The following PCSK5 variants were observed in gnomAD, a reference collection of about 807,000 sequenced individuals.
The protein encoded by PCSK5 is proprotein convertase subtilisin/kexin type 5.
A neutral mutation model predicts 233.2 loss-of-function variants in PCSK5; 129 were observed. The ratio of observed to expected loss-of-function variants is 0.55; its 90% CI spans 0.48 to 0.64. PCSK5 has a LOEUF of 0.64. Among genes scored for constraint, PCSK5 ranks in the 30% least tolerant of loss-of-function variants. The pLI is 0.00. For missense variants in PCSK5, 2,076 were observed against 2,430.1 expected (o/e 0.85, Z 3.06); for synonymous variants, 825 against 879.2 (o/e 0.94, Z 1.09).
In PCSK5 at chr9:76,350,936, G is replaced by A. The variant is rs1268981987; in HGVS notation, c.5067+8G>A. 6.8e-7 allele frequency: 1 copy of A among 1,471,920 alleles called. No homozygotes were observed. The highest frequency in any genetic ancestry group is 1.7e-5 in the Admixed American group (1 of 57,166). 91.2% of individuals were successfully genotyped at this position (1,471,920 alleles called of 1,614,324 possible). ...GAATACAGAGTGGGAGAGGTATGGAGGGCTGGGGGTCCTGGGCCTTCTGCT... is the reference window on the plus strand; with the variant it reads ...GAATACAGAGTGGGAGAGGTATGGAAGGCTGGGGGTCCTGGGCCTTCTGCT... On this transcript the variant is annotated splice_region_variant and intron_variant, in intron 36 of 37. Coordinates refer to ENST00000674117, the MANE Select transcript of PCSK5 (RefSeq NM_001372043.1).
At chr9:76,075,160 C>T (rs562097206) in intron 7 of PCSK5, among the ~76,000 whole-genome samples, 6 of 152,166 alleles carry the variant, frequency 3.9e-5, no homozygotes, top group Admixed American at 2.0e-4. Flanking sequence ...GTGGAGGTTG[C>T]AGTGAGCCAA....
intron 6 of PCSK5, among the ~76,000 whole-genome samples, chr9:76,070,205 T>TTAG (rs1234814567): frequency 6.6e-6 from 1 of 152,152 alleles, no homozygotes; most frequent in African/African-American, 2.4e-5. Context: ...TTTCACCATG[T>TTAG]TAGCCAGGAT....
rs940177443 is a variant in PCSK5 at position 76,074,939 on chromosome 9, G to T, written c.894+3041G>T. 7.2e-5 allele frequency among the ~76,000 whole-genome samples: 11 copies of T among 152,236 alleles called. No homozygotes were observed. In the East Asian group the frequency reaches 1.7e-3, roughly 24 times the overall value. On this transcript the variant is annotated intron_variant, in intron 7 of 37. Transcript: ENST00000674117. ...GTAGATTAAAAATAATATGATGCAG[G>T]CCGGGTGTGGTGGCTCATGCCTGTA...
chr9:76,013,715 C>A (rs1347343634), intron 3 of PCSK5, among the ~76,000 whole-genome samples: 1 of 152,098 alleles, frequency 6.6e-6, no homozygotes, highest in African/African-American at 2.4e-5. Context: ...TCAATATAAC[C>A]TTGTGCTGCT....
At chr9:75,923,238 G>T (rs1031908534) in intron 1 of PCSK5, among the ~76,000 whole-genome samples, 3 of 152,112 alleles carry the variant, frequency 2.0e-5, no homozygotes, top group Non-Finnish European at 2.9e-5. Context: ...CAGTTTCCTT[G>T]TCCATAAAAT....
At chr9:76,291,674 A>T (rs540670628) in intron 24 of PCSK5, among the ~76,000 whole-genome samples, 2 of 152,334 alleles carry the variant, frequency 1.3e-5, no homozygotes, top group East Asian at 1.9e-4. Flanking sequence ...GCCAGCAGGG[A>T]TGCATTGAAT....
chr9:76,096,190 T>TATACACAC, intron 8 of PCSK5, 88 bp downstream of exon 8: 1 of 591,060 alleles, frequency 1.7e-6, no homozygotes, highest in South Asian at 2.1e-5. Context: ...TATATATATA[T>TATACACAC]ACACACACAC....
At position 76,221,454 on chromosome 9, in the gene PCSK5, T is replaced by C. The variant is rs536406693; in HGVS notation, c.2627-6049T>C. ...CAGCCCAGCTCTGCCACTTACCTAG[T>C]TGAATGAACTTATGCAAGATTTTTT... is the stretch of plus-strand genomic sequence containing the variant. On this transcript the variant is annotated intron_variant, in intron 20 of 37. Transcript: ENST00000674117. Among the ~76,000 whole-genome samples, 4 of 152,328 alleles carry C rather than the reference T, an allele frequency of 2.6e-5. No homozygotes were observed. The South Asian group carries it at 8.3e-4, about 32-fold the overall frequency.
chr9:76,003,975 T>G (rs1456329844), intron 3 of PCSK5, among the ~76,000 whole-genome samples: 2 of 152,164 alleles, frequency 1.3e-5, no homozygotes, highest in East Asian at 3.8e-4. Context: ...TTTTTATTTT[T>G]ATTTTTTGTA....
chr9:75,925,450 A>G (rs1237886058), intron 1 of PCSK5, among the ~76,000 whole-genome samples: 1 of 152,200 alleles, frequency 6.6e-6, no homozygotes, highest in Non-Finnish European at 1.5e-5. Flanking sequence ...AGGAGGTGAG[A>G]CTAATCCAGC....
intron 1 of PCSK5, among the ~76,000 whole-genome samples, 181 bp from the exon 2 acceptor site, chr9:75,932,198 T>C (rs1823839706): frequency 6.6e-6 from 1 of 152,242 alleles, no homozygotes; most frequent in Admixed American, 6.5e-5. Flanking sequence ...ATATCACATG[T>C]CTTTCTTTTG....
chr9:76,190,975 T>C (rs897050252), intron 20 of PCSK5, among the ~76,000 whole-genome samples: 2 of 152,182 alleles, frequency 1.3e-5, no homozygotes, highest in African/African-American at 4.8e-5. Flanking sequence ...TAATACCAAG[T>C]TTCCTCACCT....
chr9:76,282,145 T>TTTTTTTTTTTTTTTTC lies in PCSK5; in HGVS notation c.3143-10086_3143-10085insTTTTTTTTTTTTTCTT, dbSNP rs1286020691. 2.0e-3 allele frequency among the ~76,000 whole-genome samples: 194 copies of TTTTTTTTTTTTTTTTC among 98,988 alleles called. 55 individuals are homozygous for TTTTTTTTTTTTTTTTC. The highest frequency in any genetic ancestry group is 4.0e-3 in the East Asian group (10 of 2,480). The allele number at this position is 98,988 out of a possible 152,430, so 64.9% of individuals were successfully genotyped here. A position where few individuals can be genotyped will look rare whatever the true frequency, so the allele number is the denominator to read the frequency against. Reference sequence around the variant, plus strand: ...CTTTTTTTTTTTTTTTTTTTTTTTTTTTCGCTCTGTTGCCCAGGCTGGAGC... The same window carrying TTTTTTTTTTTTTTTTC: ...CTTTTTTTTTTTTTTTTTTTTTTTTTTTTTTTTTTTTTTTTCTTCGCTCTGTTGCCCAGGCTGGAGC... On this transcript the variant is annotated intron_variant, in intron 24 of 37. Transcript: ENST00000674117.
chr9:76,356,484 G>A (rs1830307494), intron 37 of PCSK5, among the ~76,000 whole-genome samples: 1 of 152,134 alleles, frequency 6.6e-6, no homozygotes, highest in African/African-American at 2.4e-5. Context: ...ACCTCAAAAG[G>A]TTTTCATATT....
intron 7 of PCSK5, among the ~76,000 whole-genome samples, chr9:76,080,922 G>T (rs1378244824): frequency 6.6e-6 from 1 of 152,040 alleles, no homozygotes; most frequent in Non-Finnish European, 1.5e-5. Flanking sequence ...AATTTTTATT[G>T]TTCTAAATCT....
chr9:76,023,071 C>T (rs984481951), intron 3 of PCSK5, among the ~76,000 whole-genome samples: 2 of 152,132 alleles, frequency 1.3e-5, no homozygotes, highest in African/African-American at 4.8e-5. Flanking sequence ...AGTCTATGTT[C>T]TTCAGTGACA....
chr9:76,180,040 G>A (rs1823780484), intron 15 of PCSK5, among the ~76,000 whole-genome samples: 1 of 140,354 alleles, frequency 7.1e-6, no homozygotes, highest in African/African-American at 2.7e-5. Context: ...AAAACTGCAT[G>A]TATTTATAAT....
intron 1 of PCSK5, among the ~76,000 whole-genome samples, chr9:75,916,555 T>C (rs772853201): frequency 1.7e-4 from 26 of 151,970 alleles, no homozygotes; most frequent in Non-Finnish European, 2.8e-4. Flanking sequence ...AGAAGTGATA[T>C]TTGAGCTAAG....
At chr9:76,354,408 G>T (rs187881438) in intron 37 of PCSK5, among the ~76,000 whole-genome samples, 189 bp downstream of exon 37, 1 of 152,192 alleles carries the variant, frequency 6.6e-6, no homozygotes, top group East Asian at 1.9e-4. Flanking sequence ...GGGATTATCA[G>T]TCCCATTTTA....
Sources: gnomAD v4.1 joint callset for allele counts (sites outside exome capture counted in the v4.1 genomes callset) on GRCh38, gnomAD v4.1.1 for gene constraint, MANE v1.5 for transcripts, NCBI Gene and HGNC (gene_info 2026-07-23, HGNC 2026-07-21) for gene names.